SLC35A3: variants seen among roughly 807,000 people sequenced by gnomAD.
SLC35A3 encodes UDP-N-acetylglucosamine transporter.
SLC35A3 carries 26 observed loss-of-function variants against 39.0 expected under a neutral mutation model. The observed-to-expected ratio is 0.67, with a 90% confidence interval of 0.49 to 0.92. SLC35A3 has a LOEUF of 0.92. Ranked by LOEUF, SLC35A3 falls within the 40% of genes least tolerant of loss-of-function variation. SLC35A3 has a pLI of 0.00. For missense variants in SLC35A3, 299 were observed against 371.6 expected, an observed-to-expected ratio of 0.80 and a Z score of 1.61; for synonymous variants, 135 against 133.1, an observed-to-expected ratio of 1.01 and a Z score of -0.10.
intron 1 of SLC35A3, 132 bp from the exon 2 acceptor site, chr1:99,993,405 C>A: frequency 1.2e-5 from 7 of 570,980 alleles, no homozygotes; most frequent in South Asian, 2.6e-5. Context: ...GTTTTTTTTT[C>A]TTTTTTCTTT....
At chr1:99,984,228 C>T (rs894298070) in intron 1 of SLC35A3, among the ~76,000 whole-genome samples, 6 of 151,878 alleles carry the variant, frequency 4.0e-5, no homozygotes, top group African/African-American at 7.3e-5. Context: ...ATTTAGAAGC[C>T]GGATAATTGA....
At position 100,035,288 on chromosome 1, in the gene SLC35A3, A is replaced by AT. The variant is rs1054865569; in HGVS notation, c.*12817dup. 2 of 152,174 alleles carry AT rather than the reference A, an allele frequency of 1.3e-5. No homozygotes were observed. The highest frequency in any genetic ancestry group is 2.9e-5 in the Non-Finnish European group (2 of 68,036). The allele number at this position is 152,174 out of a possible 1,614,324, so 9.4% of individuals were successfully genotyped here. On this transcript the variant is annotated 3_prime_UTR_variant, in exon 8 of 8. Transcript: ENST00000533028. ...TGTTGTTTTGTGGGATTTAAAAAAT[A>AT]TTTTTATTCTGAGGATAGTTGAATC...
chr1:99,980,181 A>C (rs892694203), intron 1 of SLC35A3, among the ~76,000 whole-genome samples: 1 of 147,958 alleles, frequency 6.8e-6, no homozygotes, highest in Admixed American at 6.7e-5. Context: ...TTCTATCCCC[A>C]ATCTTCTTAG....
intron 3 of SLC35A3, among the ~76,000 whole-genome samples, chr1:100,001,658 A>T (rs1658813533): frequency 6.6e-6 from 1 of 151,926 alleles, no homozygotes; most frequent in Non-Finnish European, 1.5e-5. Flanking sequence ...GGACAATTTG[A>T]CTTCCTCTTT....
chr1:99,978,595 G>A (rs1209188539), intron 1 of SLC35A3, among the ~76,000 whole-genome samples: 2 of 152,148 alleles, frequency 1.3e-5, no homozygotes, highest in Non-Finnish European at 2.9e-5. Flanking sequence ...TCTAAACTAA[G>A]TGGTAGTAGA....
chr1:100,000,468 T>G (rs1182854301), intron 3 of SLC35A3, among the ~76,000 whole-genome samples: 3 of 152,138 alleles, frequency 2.0e-5, no homozygotes, highest in African/African-American at 7.2e-5. Context: ...ATTATGGATA[T>G]TAGTTTCTTG....
intron 2 of SLC35A3, 55 bp downstream of exon 2, chr1:99,993,796 A>G: frequency 6.8e-7 from 1 of 1,460,140 alleles, no homozygotes; most frequent in Non-Finnish European, 9.5e-7. Flanking sequence ...GTTTGCATAT[A>G]TATATTGGTA....
At position 100,032,383 on chromosome 1, in the gene SLC35A3, A is replaced by T. The variant is rs1661286755; in HGVS notation, c.*9907A>T. Reference sequence around the variant, plus strand: ...TTTATATTCTTTTTTAAAATAAAAAAGTATATTTCCCTCCTGTTTCTCTAA... The same window carrying T: ...TTTATATTCTTTTTTAAAATAAAAATGTATATTTCCCTCCTGTTTCTCTAA... On this transcript the variant is annotated 3_prime_UTR_variant, in exon 8 of 8. Transcript: ENST00000533028. The T allele has an allele frequency of 6.6e-6, 1 of 152,156 alleles. No homozygotes were observed. Among genetic ancestry groups the T allele is most frequent in the South Asian group, 2.1e-4 (1 of 4,834 alleles). The allele number at this position is 152,156 out of a possible 1,614,324, so 9.4% of individuals were successfully genotyped here. A position where few individuals can be genotyped will look rare whatever the true frequency, so the allele number is the denominator to read the frequency against.
In SLC35A3 at chr1:100,028,851, A is replaced by G. The variant is rs1661067199; in HGVS notation, c.*6375A>G. 6.6e-6 allele frequency: 1 copy of G among 152,250 alleles called. No homozygotes were observed. The highest frequency in any genetic ancestry group is 2.1e-4 in the South Asian group (1 of 4,836). The allele number at this position is 152,250 out of a possible 1,614,324, so 9.4% of individuals were successfully genotyped here. A position where few individuals can be genotyped will look rare whatever the true frequency, so the allele number is the denominator to read the frequency against. On this transcript the variant is annotated 3_prime_UTR_variant, in exon 8 of 8. Transcript: ENST00000533028. ...AGAAAGAGAAAACTTACTAAAAGCT[A>G]TTATACTCACAGTCATATTTATTAC...
At chr1:99,996,523 T>G (rs2101159376) in intron 2 of SLC35A3, among the ~76,000 whole-genome samples, 1 of 152,166 alleles carries the variant, frequency 6.6e-6, no homozygotes, top group South Asian at 2.1e-4. Flanking sequence ...GCCCTCAAAT[T>G]GGCAAAAATA....
intron 3 of SLC35A3, among the ~76,000 whole-genome samples, chr1:100,006,786 G>A (rs1162322146): frequency 6.6e-6 from 1 of 152,170 alleles, no homozygotes; most frequent in Non-Finnish European, 1.5e-5. Context: ...TTGCTTTCAT[G>A]TTGCAACCTA....
Position 99,999,478 on chromosome 1 carries a change from A to G in SLC35A3, c.342+63A>G, listed in dbSNP as rs1658622559. The G allele has an allele frequency of 2.8e-6, 3 of 1,084,600 alleles. No individual in the cohort carries two copies. The highest frequency in any genetic ancestry group is 4.0e-6 in the Non-Finnish European group (3 of 756,720). The allele number at this position is 1,084,600 out of a possible 1,614,324, so 67.2% of individuals were successfully genotyped here. On this transcript the variant is annotated intron_variant, in intron 3 of 7. Coordinates refer to ENST00000533028, the MANE Select transcript of SLC35A3 (RefSeq NM_012243.3). ...TTTTTCTTATACATAATAATTGTAT[A>G]TATTTATGGGGTACATGTGGTATTT...
chr1:99,976,688 A>G (rs1416322785), intron 1 of SLC35A3, among the ~76,000 whole-genome samples: 2 of 152,324 alleles, frequency 1.3e-5, no homozygotes, highest in African/African-American at 4.8e-5. Flanking sequence ...CCATTATTCT[A>G]AACAAATTAA....
At chr1:100,001,134 T>C (rs976576811) in intron 3 of SLC35A3, among the ~76,000 whole-genome samples, 1 of 152,036 alleles carries the variant, frequency 6.6e-6, no homozygotes, top group African/African-American at 2.4e-5. Flanking sequence ...TTGGAAGTCA[T>C]AGTGTGATGC....
chr1:100,001,806 T>A (rs1159785694), intron 3 of SLC35A3, among the ~76,000 whole-genome samples: 2 of 152,162 alleles, frequency 1.3e-5, no homozygotes, highest in Non-Finnish European at 2.9e-5. Context: ...GATATGTTCC[T>A]AGGAATATTT....
chr1:100,020,356 C>A (rs1163999560), intron 7 of SLC35A3, among the ~76,000 whole-genome samples: 1 of 152,132 alleles, frequency 6.6e-6, no homozygotes, highest in Non-Finnish European at 1.5e-5. Context: ...ACCACAGAAT[C>A]TTTCAGTTGA....
At position 100,033,291 on chromosome 1, in the gene SLC35A3, C is replaced by T. The variant is rs376141368; in HGVS notation, c.*10815C>T. 1 of 88,198 alleles carries T rather than the reference C, an allele frequency of 1.1e-5. No individual in the cohort carries two copies. Among genetic ancestry groups the T allele is most frequent in the Non-Finnish European group, 2.6e-5 (1 of 38,362 alleles). 5.5% of individuals were successfully genotyped at this position (88,198 alleles called of 1,614,324 possible). On this transcript the variant is annotated 3_prime_UTR_variant, in exon 8 of 8. Coordinates refer to ENST00000533028, the MANE Select transcript of SLC35A3 (RefSeq NM_012243.3). ...GCAACAGAGTGAGATCCTGTCTCTA[C>T]AAAAAAAAAAAAAAAGATAAATTTT...
At chr1:99,980,824 A>C (rs1268102724) in intron 1 of SLC35A3, among the ~76,000 whole-genome samples, 2 of 152,208 alleles carry the variant, frequency 1.3e-5, no homozygotes. Flanking sequence ...TGTTTCTATC[A>C]TAAAAATTGA....
Position 100,025,932 on chromosome 1 carries a change from A to G in SLC35A3, c.*3456A>G, listed in dbSNP as rs995829200. On this transcript the variant is annotated 3_prime_UTR_variant, in exon 8 of 8. Transcript: ENST00000533028. ...CAACAAATGGATATTTCAACACAGTAGTATTATATTATCAGTTCTTTAGTA... is the reference window on the plus strand; with the variant it reads ...CAACAAATGGATATTTCAACACAGTGGTATTATATTATCAGTTCTTTAGTA... 19 of 152,198 alleles carry G rather than the reference A, an allele frequency of 1.2e-4. No individual in the cohort carries two copies. The highest frequency in any genetic ancestry group is 5.2e-4 in the Admixed American group (8 of 15,274). The allele number at this position is 152,198 out of a possible 1,614,324, so 9.4% of individuals were successfully genotyped here.
Sources: gnomAD v4.1 joint callset for allele counts (sites outside exome capture counted in the v4.1 genomes callset) on GRCh38, gnomAD v4.1.1 for gene constraint, MANE v1.5 for transcripts, NCBI Gene and HGNC (gene_info 2026-07-23, HGNC 2026-07-21) for gene names.